PRDM5: variants seen among roughly 807,000 people sequenced by gnomAD.
PRDM5 encodes PR domain zinc finger protein 5.
In PRDM5, 56 loss-of-function variants were observed where a neutral mutation model predicts 81.2. The ratio of observed to expected loss-of-function variants is 0.69; its 90% CI spans 0.56 to 0.86. The LOEUF (loss-of-function observed/expected upper bound fraction) is 0.86. Among genes scored for constraint, PRDM5 ranks in the 40% least tolerant of loss-of-function variants. PRDM5 has a pLI of 0.00. For missense variants in PRDM5, 697 were observed against 770.1 expected (o/e 0.91, Z 1.12); for synonymous variants, 267 against 256.4 (o/e 1.04, Z -0.39).
At chr4:120,883,155 T>TTACATTTTCCCCTTCTG (rs1763031427) in intron 2 of PRDM5, among the ~76,000 whole-genome samples, 1 of 152,200 alleles carries the variant, frequency 6.6e-6, no homozygotes, top group African/African-American at 2.4e-5. Flanking sequence ...AGCACATTAC[T>TTACATTTTCCCCTTCTG]TACATTTTCC....
At chr4:120,777,110 T>C (rs1748273881) in intron 13 of PRDM5, 78 bp downstream of exon 13, 2 of 1,609,118 alleles carry the variant, frequency 1.2e-6, no homozygotes, top group South Asian at 2.2e-5. Context: ...ATATTTGTAT[T>C]ATTACAATAT....
At chr4:120,698,061 T>C (rs1344449965) in intron 15 of PRDM5, among the ~76,000 whole-genome samples, 2 of 152,140 alleles carry the variant, frequency 1.3e-5, no homozygotes, top group African/African-American at 4.8e-5. Context: ...TCTCCATATT[T>C]CCTCATTCTT....
intron 1 of PRDM5, among the ~76,000 whole-genome samples, chr4:120,918,710 C>T (rs1375490633): frequency 7.9e-5 from 11 of 139,220 alleles, no homozygotes; most frequent in African/African-American, 3.0e-4. Flanking sequence ...CAGTGAGAAT[C>T]AAGGTGTGTG....
intron 1 of PRDM5, among the ~76,000 whole-genome samples, chr4:120,916,764 A>G (rs1441355423): frequency 6.6e-6 from 1 of 152,136 alleles, no homozygotes; most frequent in African/African-American, 2.4e-5. Flanking sequence ...AATCCTTCCA[A>G]TTCCTCAGGC....
chr4:120,908,971 G>C (rs1477492259), intron 1 of PRDM5, among the ~76,000 whole-genome samples: 1 of 152,116 alleles, frequency 6.6e-6, no homozygotes, highest in Non-Finnish European at 1.5e-5. Context: ...CTCCAGATGG[G>C]ACCTAACCAG....
chr4:120,688,098 T>C (rs1478681598), downstream of PRDM5, among the ~76,000 whole-genome samples: 4 of 152,122 alleles, frequency 2.6e-5, no homozygotes, highest in African/African-American at 9.7e-5. Flanking sequence ...TTCCCACCTA[T>C]AGTGCACAGT....
chr4:120,772,337 A>C (rs1747417473), intron 13 of PRDM5, among the ~76,000 whole-genome samples: 1 of 152,194 alleles, frequency 6.6e-6, no homozygotes, highest in Non-Finnish European at 1.5e-5. Flanking sequence ...TGAGTTCTAG[A>C]CTATATCTAC....
At chr4:120,918,519 C>T (rs1724484042) in intron 1 of PRDM5, among the ~76,000 whole-genome samples, 2 of 151,832 alleles carry the variant, frequency 1.3e-5, no homozygotes, top group South Asian at 4.2e-4. Context: ...CTTTTATTTA[C>T]TTATCTGTTT....
intron 13 of PRDM5, among the ~76,000 whole-genome samples, chr4:120,766,051 C>T (rs1746339119): frequency 6.6e-6 from 1 of 151,776 alleles, no homozygotes; most frequent in African/African-American, 2.4e-5. Context: ...CCTCCACCAC[C>T]TGGGTTCAAG....
chr4:120,841,421 T>G (rs1758019027), intron 3 of PRDM5, among the ~76,000 whole-genome samples: 2 of 152,140 alleles, frequency 1.3e-5, no homozygotes, highest in African/African-American at 4.8e-5. Flanking sequence ...AATAGAAATT[T>G]CCCTAGACTA....
intron 3 of PRDM5, among the ~76,000 whole-genome samples, chr4:120,849,129 C>T (rs1758977871): frequency 6.6e-6 from 1 of 152,130 alleles, no homozygotes; most frequent in Admixed American, 6.6e-5. Context: ...TTAGTTGGTA[C>T]TGCTGCTATT....
chr4:120,799,633 C>G, intron 9 of PRDM5, 28 bp downstream of exon 9: 1 of 1,607,882 alleles, frequency 6.2e-7, no homozygotes, highest in Non-Finnish European at 8.5e-7. Flanking sequence ...AATGATATCA[C>G]TATAAACAAA....
At chr4:120,800,846 TA>T (rs1358345212) in intron 8 of PRDM5, among the ~76,000 whole-genome samples, 2 of 152,022 alleles carry the variant, frequency 1.3e-5, no homozygotes, top group East Asian at 1.9e-4. Context: ...AAAATGTATT[TA>T]AAAAATACAA....
Position 120,694,867 on chromosome 4 carries a change from C to T in PRDM5, c.*244G>A. The T allele has an allele frequency of 2.1e-6, 1 of 479,440 alleles. No individual in the cohort carries two copies. The highest frequency in any genetic ancestry group is 3.3e-5 in the Admixed American group (1 of 29,930). The allele number at this position is 479,440 out of a possible 1,614,324, so 29.7% of individuals were successfully genotyped here. On this transcript the variant is annotated 3_prime_UTR_variant, in exon 16 of 16. Transcript: ENST00000264808. ...GACTCCTTTCTCCATTTTTATAAGA[C>T]AGAGCACAAGTTGCATTTTGCAAGG... is the stretch of plus-strand genomic sequence containing the variant.
Position 120,796,709 on chromosome 4 carries a change from T to C in PRDM5, c.1188+1558A>G, listed in dbSNP as rs73843611. Among the ~76,000 whole-genome samples, 1,305 of 152,226 alleles carry C rather than the reference T, an allele frequency of 8.6e-3. 19 individuals are homozygous for C. Among genetic ancestry groups the C allele is most frequent in the African/African-American group, 0.03 (1,236 of 41,548 alleles). ...ATTTAAGACACTATAATCAACACTGTTTATTCTTTGGTAAATCTGCCTTTT... is the reference window on the plus strand; with the variant it reads ...ATTTAAGACACTATAATCAACACTGCTTATTCTTTGGTAAATCTGCCTTTT... On this transcript the variant is annotated intron_variant, in intron 10 of 15. Coordinates refer to ENST00000264808, the MANE Select transcript of PRDM5 (RefSeq NM_018699.4).
chr4:120,698,816 C>T (rs970898857), intron 15 of PRDM5, among the ~76,000 whole-genome samples: 1 of 152,222 alleles, frequency 6.6e-6, no homozygotes, highest in Admixed American at 6.5e-5. Flanking sequence ...CTTCTTTGCA[C>T]ATTTTTCTCA....
At chr4:120,787,528 G>A (rs1367254994) in intron 10 of PRDM5, among the ~76,000 whole-genome samples, 3 of 152,186 alleles carry the variant, frequency 2.0e-5, no homozygotes, top group African/African-American at 7.2e-5. Context: ...CAACAGCAAT[G>A]CAGCAGGAGA....
intron 2 of PRDM5, among the ~76,000 whole-genome samples, chr4:120,854,875 A>T (rs1197367488): frequency 2.0e-5 from 3 of 152,016 alleles, no homozygotes. Context: ...CAGAGGGTAC[A>T]GCAAGTGAAA....
intron 14 of PRDM5, among the ~76,000 whole-genome samples, chr4:120,738,827 T>C (rs1401987446): frequency 6.6e-6 from 1 of 152,274 alleles, no homozygotes; most frequent in Non-Finnish European, 1.5e-5. Flanking sequence ...GTTCTAGTTA[T>C]CTATTACTAC....
Sources: gnomAD v4.1 joint callset for allele counts (sites outside exome capture counted in the v4.1 genomes callset) on GRCh38, gnomAD v4.1.1 for gene constraint, MANE v1.5 for transcripts, NCBI Gene and HGNC (gene_info 2026-07-23, HGNC 2026-07-21) for gene names.